RPS6KA2: variants seen among roughly 807,000 people sequenced by gnomAD.
RPS6KA2 encodes ribosomal protein S6 kinase alpha-2.
RPS6KA2 carries 42 observed loss-of-function variants against 91.8 expected under a neutral mutation model. That is an observed-to-expected ratio of 0.46 (90% confidence interval 0.36 to 0.59). RPS6KA2 has a LOEUF of 0.59. RPS6KA2 is among the 20% of genes least tolerant of loss of function. The pLI is 0.00. For missense variants in RPS6KA2, 798 were observed against 978.5 expected (o/e 0.82, Z 2.46); for synonymous variants, 414 against 393.6 (o/e 1.05, Z -0.61).
intron 2 of RPS6KA2, among the ~76,000 whole-genome samples, chr6:166,736,359 C>A (rs551816620): frequency 1.3e-5 from 2 of 152,310 alleles, no homozygotes; most frequent in South Asian, 2.1e-4. Flanking sequence ...CAGGGGCACA[C>A]CGTAACTGTG....
rs2128491260 is a variant in RPS6KA2 at position 166,529,906 on chromosome 6, C to T, written c.298+1326G>A. On this transcript the variant is annotated intron_variant, in intron 3 of 20. Transcript: ENST00000265678. Reference sequence around the variant, plus strand: ...GTACTGATAAATGTCAACCAGATTTCTCTCCCCTATAGAATTTTCACCAGA... The same window carrying T: ...GTACTGATAAATGTCAACCAGATTTTTCTCCCCTATAGAATTTTCACCAGA... Among the ~76,000 whole-genome samples, 3 of 152,334 alleles carry T rather than the reference C, an allele frequency of 2.0e-5. No individual in the cohort carries two copies. The South Asian group carries it at 6.2e-4, about 32-fold the overall frequency.
chr6:166,439,574 G>A (rs1779454554), intron 14 of RPS6KA2, among the ~76,000 whole-genome samples: 1 of 152,200 alleles, frequency 6.6e-6, no homozygotes, highest in South Asian at 2.1e-4. Context: ...TTGTTGCCCT[G>A]GAGTGGCTGC....
intron 1 of RPS6KA2, among the ~76,000 whole-genome samples, chr6:166,617,052 C>T (rs762561633): frequency 2.0e-5 from 3 of 152,234 alleles, no homozygotes; most frequent in Admixed American, 1.3e-4. Flanking sequence ...GCCGGGCGCC[C>T]GCTCCATCGT....
chr6:166,718,286 G>C (rs1293971680), intron 2 of RPS6KA2, among the ~76,000 whole-genome samples: 2 of 152,228 alleles, frequency 1.3e-5, no homozygotes, highest in Admixed American at 6.5e-5. Context: ...CAGACTGGCA[G>C]ATAGCAGTTA....
intron 2 of RPS6KA2, among the ~76,000 whole-genome samples, chr6:166,760,327 T>C (rs1778132429): frequency 6.6e-6 from 1 of 152,234 alleles, no homozygotes; most frequent in South Asian, 2.1e-4. Flanking sequence ...TTTACAATTG[T>C]ATAAACATCT....
At chr6:166,522,405 T>C (rs1212094816) in intron 3 of RPS6KA2, among the ~76,000 whole-genome samples, 2 of 152,270 alleles carry the variant, frequency 1.3e-5, no homozygotes, top group African/African-American at 4.8e-5. Flanking sequence ...CCTTGGCTTC[T>C]GCACACACCT....
Position 166,500,823 on chromosome 6 carries a change from G to T in RPS6KA2, c.604+64C>A. ...TAAATAAGAGGGCTTGGGCTTTGAGGTGGTCCCCAAAGGTACCAGGGCTGA... is the reference window on the plus strand; with the variant it reads ...TAAATAAGAGGGCTTGGGCTTTGAGTTGGTCCCCAAAGGTACCAGGGCTGA... On this transcript the variant is annotated intron_variant, in intron 7 of 20. Coordinates refer to ENST00000265678, the MANE Select transcript of RPS6KA2 (RefSeq NM_021135.6). The surrounding 1 kb of genome is among the most constrained non-coding windows in gnomAD (Gnocchi z 4.3). 4.1e-6 allele frequency: 6 copies of T among 1,457,524 alleles called. No individual in the cohort carries two copies. Among genetic ancestry groups the T allele is most frequent in the Non-Finnish European group, 5.8e-6 (6 of 1,037,658 alleles). 90.3% of individuals were successfully genotyped at this position (1,457,524 alleles called of 1,614,324 possible).
chr6:166,600,789 A>C (rs1242615487), intron 1 of RPS6KA2, among the ~76,000 whole-genome samples: 1 of 152,268 alleles, frequency 6.6e-6, no homozygotes, highest in Non-Finnish European at 1.5e-5. Flanking sequence ...AGCTCATTGC[A>C]CAAAGTGAAT....
chr6:166,431,951 G>A (rs1779146761), intron 15 of RPS6KA2, among the ~76,000 whole-genome samples: 1 of 152,142 alleles, frequency 6.6e-6, no homozygotes, highest in South Asian at 2.1e-4. Flanking sequence ...CTTATGCCAA[G>A]CTTGCATGTT....
intron 3 of RPS6KA2, among the ~76,000 whole-genome samples, chr6:166,516,532 TCAAA>T (rs1018765094): frequency 5.3e-5 from 8 of 152,168 alleles, no homozygotes; most frequent in African/African-American, 1.4e-4. Flanking sequence ...CCTGCTGGCA[TCAAA>T]CAAAGTTAAA....
intron 2 of RPS6KA2, among the ~76,000 whole-genome samples, chr6:166,764,527 G>A (rs1286968871): frequency 6.6e-6 from 1 of 152,180 alleles, no homozygotes; most frequent in Non-Finnish European, 1.5e-5. Flanking sequence ...AAGGCGGGCA[G>A]GGGTGGTTGC....
At chr6:166,451,483 G>A (rs1275871753) in intron 12 of RPS6KA2, among the ~76,000 whole-genome samples, 1 of 152,004 alleles carries the variant, frequency 6.6e-6, no homozygotes, top group African/African-American at 2.4e-5. Flanking sequence ...AAAATACCCA[G>A]AACAAAAACT....
At chr6:166,440,793 AAAT>A (rs1410423117) in intron 14 of RPS6KA2, among the ~76,000 whole-genome samples, 2 of 152,266 alleles carry the variant, frequency 1.3e-5, no homozygotes, top group African/African-American at 4.8e-5. Context: ...AGCGGTGCAA[AAAT>A]AATAATAAAA....
chr6:166,838,121 C>T (rs996152952), intron 2 of RPS6KA2, among the ~76,000 whole-genome samples: 11 of 152,236 alleles, frequency 7.2e-5, no homozygotes, highest in African/African-American at 2.7e-4. Flanking sequence ...GGCTGAGGAC[C>T]TCAGGCTTGA....
intron 2 of RPS6KA2, among the ~76,000 whole-genome samples, chr6:166,674,444 G>A (rs1359754319): frequency 2.0e-5 from 3 of 152,132 alleles, no homozygotes; most frequent in Non-Finnish European, 2.9e-5. Context: ...GGCAGCTCAG[G>A]GGTGGTCTGT....
At chr6:166,671,954 A>G (rs1420879606) in intron 2 of RPS6KA2, among the ~76,000 whole-genome samples, 1 of 152,170 alleles carries the variant, frequency 6.6e-6, no homozygotes, top group East Asian at 1.9e-4. Context: ...CTCAGTTCAG[A>G]GGGAGGAGTC....
chr6:166,481,337 T>G (rs758560666), intron 10 of RPS6KA2, among the ~76,000 whole-genome samples: 3 of 152,254 alleles, frequency 2.0e-5, no homozygotes. Context: ...AAATAAGCCA[T>G]GAAGGCTCAG....
chr6:166,837,379 C>T (rs190503737), intron 2 of RPS6KA2, among the ~76,000 whole-genome samples: 74 of 152,326 alleles, frequency 4.9e-4, no homozygotes, highest in African/African-American at 1.7e-3. Context: ...CACTGTGGAG[C>T]AGGGGTCACT....
At chr6:166,534,888 G>A (rs998209035) in intron 2 of RPS6KA2, among the ~76,000 whole-genome samples, 23 of 152,222 alleles carry the variant, frequency 1.5e-4, no homozygotes, top group African/African-American at 5.1e-4. Context: ...ACCTTGAGAC[G>A]AGCAGCAAAA....
Sources: allele counts gnomAD v4.1 joint callset (sites outside exome capture counted in the v4.1 genomes callset), GRCh38; gene constraint gnomAD v4.1.1; non-coding constraint Gnocchi (gnomAD v3.1); transcripts MANE v1.5; gene names NCBI Gene and HGNC (gene_info 2026-07-23, HGNC 2026-07-21).